BMS1: variants seen among roughly 807,000 people sequenced by gnomAD.
BMS1 encodes ribosome biogenesis protein BMS1 homolog.
A neutral mutation model predicts 138.7 loss-of-function variants in BMS1; 53 were observed. The ratio of observed to expected loss-of-function variants is 0.38; its 90% CI spans 0.31 to 0.48. BMS1 has a LOEUF of 0.48. Ranked by LOEUF, BMS1 falls within the 20% of genes least tolerant of loss-of-function variation. BMS1 has a pLI of 0.97. For missense variants in BMS1, 1,360 were observed against 1,565.5 expected (o/e 0.87, Z 2.22); for synonymous variants, 504 against 539.9 (o/e 0.93, Z 0.92).
intron 22 of BMS1, 28 bp from the exon 23 acceptor site, chr10:42,830,838 G>T (rs752759896): frequency 4.6e-5 from 73 of 1,581,448 alleles, no homozygotes; most frequent in Non-Finnish European, 5.6e-5. Flanking sequence ...AGAGCATTCT[G>T]ATACTCACCG....
Position 42,833,695 on chromosome 10 carries a change from CAT to C in BMS1, c.*2601_*2602del, listed in dbSNP as rs1283639760. 3 of 152,224 alleles carry C rather than the reference CAT, an allele frequency of 2.0e-5. No individual in the cohort carries two copies. Among genetic ancestry groups the C allele is most frequent in the Admixed American group, 6.5e-5 (1 of 15,282 alleles). 9.4% of individuals were successfully genotyped at this position (152,224 alleles called of 1,614,324 possible). A position where few individuals can be genotyped will look rare whatever the true frequency, so the allele number is the denominator to read the frequency against. ...TGCGGCATGTGGCTGTATGTATACACATAGTTTTTGCTGTGAGTTTGCATCCA... is the reference window on the plus strand; with the variant it reads ...TGCGGCATGTGGCTGTATGTATACACAGTTTTTGCTGTGAGTTTGCATCCA... On this transcript the variant is annotated 3_prime_UTR_variant, in exon 23 of 23. Coordinates refer to ENST00000374518, the MANE Select transcript of BMS1 (RefSeq NM_014753.4).
intron 21 of BMS1, among the ~76,000 whole-genome samples, chr10:42,828,773 G>A (rs2506106): frequency 0.24 from 36,025 of 152,052 alleles, 4,800 homozygotes; most frequent in Non-Finnish European, 0.32. Flanking sequence ...TAAGAGGGTT[G>A]TTCAAGGCAT....
intron 21 of BMS1, among the ~76,000 whole-genome samples, chr10:42,829,589 G>A (rs1842746242): frequency 6.6e-6 from 1 of 152,094 alleles, no homozygotes; most frequent in African/African-American, 2.4e-5. Context: ...CAAGGCAGGT[G>A]GATCACCTGA....
At chr10:42,786,922 T>A (rs1243005328) in intron 3 of BMS1, among the ~76,000 whole-genome samples, 5 of 152,240 alleles carry the variant, frequency 3.3e-5, no homozygotes, top group Non-Finnish European at 5.9e-5. Context: ...GAATTTTCCC[T>A]TTTTGAGCAC....
chr10:42,820,833 A>G (rs1842485043), intron 17 of BMS1, 101 bp from the exon 18 acceptor site: 2 of 1,207,814 alleles, frequency 1.7e-6, no homozygotes, highest in Non-Finnish European at 2.4e-6. Context: ...TGGAGTATAT[A>G]TGTAAATCTA....
intron 2 of BMS1, 88 bp downstream of exon 2, chr10:42,784,658 G>A: frequency 7.0e-7 from 1 of 1,426,320 alleles, no homozygotes; most frequent in African/African-American, 1.4e-5. Flanking sequence ...GGATTCACGA[G>A]TCTAGTCCAG....
intron 13 of BMS1, among the ~76,000 whole-genome samples, chr10:42,806,572 T>C (rs1588731465): frequency 1.3e-5 from 2 of 151,920 alleles, no homozygotes; most frequent in East Asian, 3.9e-4. Context: ...CCGTCTCTAC[T>C]AAAAATACAA....
At chr10:42,826,477 G>A (rs1842649665) in intron 21 of BMS1, among the ~76,000 whole-genome samples, 5 of 152,146 alleles carry the variant, frequency 3.3e-5, no homozygotes, top group Admixed American at 3.3e-4. Flanking sequence ...TCTCTACGAG[G>A]CCAGGCGCAG....
At chr10:42,826,701 C>A (rs149915869) in intron 21 of BMS1, among the ~76,000 whole-genome samples, 1 of 152,170 alleles carries the variant, frequency 6.6e-6, no homozygotes, top group Non-Finnish European at 1.5e-5. Context: ...TTTCCTGGGA[C>A]GTGGGGGTGC....
Position 42,820,659 on chromosome 10 carries a change from A to G in BMS1, c.2921A>G (p.Gln974Arg). ...GRQRLLKYTPQHMHCGAAFWG... is the reference protein window; with the variant it reads ...GRQRLLKYTPRHMHCGAAFWG... ...CAAAGGCTTCTAAAGTATACCCCAC[A>G]GCACATGCATTGCGGAGCAGCCTTT... The change falls in exon 17 of 23, where the codon CAG becomes CGG. Residue 974 changes from glutamine to arginine, a missense_variant. Coordinates refer to ENST00000374518, the MANE Select transcript of BMS1 (RefSeq NM_014753.4). 1 of 1,612,040 alleles carries G rather than the reference A, an allele frequency of 6.2e-7. No homozygotes were observed. The highest frequency in any genetic ancestry group is 1.1e-5 in the South Asian group (1 of 90,980).
intron 13 of BMS1, among the ~76,000 whole-genome samples, chr10:42,815,790 C>A (rs1427234041): frequency 1.3e-5 from 2 of 152,204 alleles, no homozygotes; most frequent in African/African-American, 4.8e-5. Flanking sequence ...TGAATAAGCT[C>A]TTCCCATGGG....
In BMS1 at chr10:42,784,357, T is replaced by C; in HGVS notation, c.-33-5T>C. 1 of 1,546,944 alleles carries C rather than the reference T, an allele frequency of 6.5e-7. No homozygotes were observed. Among genetic ancestry groups the C allele is most frequent in the Non-Finnish European group, 8.7e-7 (1 of 1,152,740 alleles). On this transcript the variant is annotated splice_polypyrimidine_tract_variant and splice_region_variant and intron_variant, in intron 1 of 22. Transcript: ENST00000374518. ...ATCTCCTTACCCCAACCTTCTTCCT[T>C]GTAGGTTAGAGTTACTTGTTATTGG... is the stretch of plus-strand genomic sequence containing the variant.
At chr10:42,816,331 A>G (rs1842349525) in intron 13 of BMS1, among the ~76,000 whole-genome samples, 1 of 152,138 alleles carries the variant, frequency 6.6e-6, no homozygotes, top group South Asian at 2.1e-4. Flanking sequence ...AAGAGTGTCC[A>G]TTGTGTATAC....
At chr10:42,800,675 C>T (rs866854678) in intron 12 of BMS1, among the ~76,000 whole-genome samples, 3 of 151,966 alleles carry the variant, frequency 2.0e-5, no homozygotes, top group South Asian at 4.2e-4. Context: ...TACAGGCGCC[C>T]ACCACTAGGC....
chr10:42,820,163 C>T (rs1842462529), intron 15 of BMS1, 73 bp from the exon 16 acceptor site: 1 of 1,547,530 alleles, frequency 6.5e-7, no homozygotes, highest in Non-Finnish European at 8.7e-7. Flanking sequence ...AGAAATTGCT[C>T]ATTTGTTCAT....
intron 12 of BMS1, 62 bp from the exon 13 acceptor site, chr10:42,802,075 C>A: frequency 3.7e-6 from 5 of 1,348,324 alleles, no homozygotes; most frequent in Non-Finnish European, 5.2e-6. Flanking sequence ...ACTGCCATTT[C>A]TTAGAGTTGT....
chr10:42,789,719 G>T (rs540718387), intron 4 of BMS1, among the ~76,000 whole-genome samples: 2 of 150,392 alleles, frequency 1.3e-5, no homozygotes, highest in East Asian at 1.9e-4. Flanking sequence ...ACAGATTGTG[G>T]TTTTTTTTTC....
Position 42,834,429 on chromosome 10 carries a change from C to T in BMS1, c.*3333C>T, listed in dbSNP as rs111466868. Reference sequence around the variant, plus strand: ...GCATCGATTTAATTGCCCTTGGTACCGACTTCTAGTATCTAGTATTTTGCC... The same window carrying T: ...GCATCGATTTAATTGCCCTTGGTACTGACTTCTAGTATCTAGTATTTTGCC... On this transcript the variant is annotated 3_prime_UTR_variant, in exon 23 of 23. Transcript: ENST00000374518. 6.6e-6 allele frequency: 1 copy of T among 151,560 alleles called. No individual in the cohort carries two copies. The highest frequency in any genetic ancestry group is 6.6e-5 in the Admixed American group (1 of 15,152). 9.4% of individuals were successfully genotyped at this position (151,560 alleles called of 1,614,324 possible).
rs1280522256 is a variant in BMS1 at position 42,834,137 on chromosome 10, CAT to C, written c.*3044_*3045del. Reference sequence around the variant, plus strand: ...ATAGGTGCTAGGTATGTTTTGAAAACATATTGAACCTACAGTGTACATATCAT... The same window carrying C: ...ATAGGTGCTAGGTATGTTTTGAAAACATTGAACCTACAGTGTACATATCAT... On this transcript the variant is annotated 3_prime_UTR_variant, in exon 23 of 23. Transcript: ENST00000374518. 3 of 152,158 alleles carry C rather than the reference CAT, an allele frequency of 2.0e-5. No homozygotes were observed. The highest frequency in any genetic ancestry group is 7.2e-5 in the African/African-American group (3 of 41,434). The allele number at this position is 152,158 out of a possible 1,614,324, so 9.4% of individuals were successfully genotyped here.
Sources: gnomAD v4.1 joint callset for allele counts (sites outside exome capture counted in the v4.1 genomes callset) on GRCh38, gnomAD v4.1.1 for gene constraint, MANE v1.5 for transcripts, NCBI Gene and HGNC (gene_info 2026-07-23, HGNC 2026-07-21) for gene names.